The following NAALADL2 variants were observed in gnomAD, a reference collection of about 807,000 sequenced individuals.
The protein encoded by NAALADL2 is N-acetylated alpha-linked acidic dipeptidase like 2, also known as inactive N-acetylated-alpha-linked acidic dipeptidase-like protein 2.
Under a neutral mutation model 87.2 loss-of-function variants are expected in NAALADL2, and 76 were observed. The ratio of observed to expected loss-of-function variants is 0.87; its 90% CI spans 0.72 to 1.05. NAALADL2 has a LOEUF of 1.05. Ranked by LOEUF, NAALADL2 falls within the 50% of genes least tolerant of loss-of-function variation. The probability of loss-of-function intolerance (pLI) is 0.00; values close to 1 mark genes in which losing one functional copy is unlikely to be tolerated. For missense variants in NAALADL2, 1,089 were observed against 945.8 expected (o/e 1.15, Z -1.99); for synonymous variants, 354 against 331.0 (o/e 1.07, Z -0.75).
chr3:175,473,394 A>T (rs1328820500), intron 9 of NAALADL2, among the ~76,000 whole-genome samples: 11 of 151,098 alleles, frequency 7.3e-5, no homozygotes, highest in Non-Finnish European at 1.2e-4. Flanking sequence ...TATAGAAAAT[A>T]TTTTTTTTCT....
intron 1 of NAALADL2, among the ~76,000 whole-genome samples, chr3:174,932,634 T>A (rs1390648095): frequency 6.6e-6 from 1 of 152,140 alleles, no homozygotes; most frequent in African/African-American, 2.4e-5. Context: ...CCCTGGAGTG[T>A]CTTAGATGCT....
intron 4 of NAALADL2, among the ~76,000 whole-genome samples, chr3:175,284,137 G>A (rs919979860): frequency 2.0e-5 from 3 of 150,734 alleles, no homozygotes; most frequent in African/African-American, 7.3e-5. Flanking sequence ...GGAATGCCCT[G>A]GAAATGGAAA....
intron 11 of NAALADL2, among the ~76,000 whole-genome samples, chr3:175,638,526 C>T (rs1395530955): frequency 3.3e-5 from 5 of 152,144 alleles, no homozygotes; most frequent in Non-Finnish European, 5.9e-5. Flanking sequence ...AAAATATGGT[C>T]ACAGTGCCTA....
At chr3:174,483,617 A>G (rs1309134537) in intron 1 of NAALADL2, among the ~76,000 whole-genome samples, 1 of 152,086 alleles carries the variant, frequency 6.6e-6, no homozygotes, top group African/African-American at 2.4e-5. Flanking sequence ...TAAGGAATAA[A>G]GTATAATCAG....
At chr3:174,827,335 G>A (rs1045683311) in intron 3 of NAALADL2, among the ~76,000 whole-genome samples, 2 of 152,172 alleles carry the variant, frequency 1.3e-5, no homozygotes, top group African/African-American at 2.4e-5. Flanking sequence ...GTCTCAGTGC[G>A]TTAAGGTCTA....
chr3:174,868,298 C>T (rs1727395919), intron 1 of NAALADL2, among the ~76,000 whole-genome samples: 1 of 151,988 alleles, frequency 6.6e-6, no homozygotes, highest in South Asian at 2.1e-4. Flanking sequence ...GGTATGTCTG[C>T]TGCCTTTGAT....
At chr3:175,603,728 A>G (rs1237304788) in intron 10 of NAALADL2, among the ~76,000 whole-genome samples, 1 of 152,150 alleles carries the variant, frequency 6.6e-6, no homozygotes, top group Non-Finnish European at 1.5e-5. Context: ...GTAGATGGAT[A>G]CTGGGTTGTT....
In NAALADL2 at chr3:175,069,613, A is replaced by G. The variant is rs1035557561; in HGVS notation, c.44-27177A>G. On this transcript the variant is annotated intron_variant, in intron 1 of 13. Coordinates refer to ENST00000454872, the MANE Select transcript of NAALADL2 (RefSeq NM_207015.3). ...GTGGAAGTCAGTGTGGCGATTCCTC[A>G]GGGATCTAGAACTAGAAATACCATT... Among the ~76,000 whole-genome samples, 847 of 151,170 alleles carry G rather than the reference A, an allele frequency of 5.6e-3. 16 individuals are homozygous for G. The highest frequency in any genetic ancestry group is 0.01 in the Middle Eastern group (3 of 290).
At chr3:175,283,201 T>C (rs945737865) in intron 4 of NAALADL2, among the ~76,000 whole-genome samples, 2 of 152,108 alleles carry the variant, frequency 1.3e-5, no homozygotes, top group African/African-American at 4.8e-5. Flanking sequence ...GTTTACAATA[T>C]ACTAAAGACT....
intron 3 of NAALADL2, among the ~76,000 whole-genome samples, chr3:174,830,411 T>C (rs890905543): frequency 4.6e-5 from 7 of 152,200 alleles, no homozygotes; most frequent in African/African-American, 1.4e-4. Context: ...TTGTCAAAGA[T>C]CAGATAGTTA....
intron 13 of NAALADL2, among the ~76,000 whole-genome samples, chr3:175,798,014 T>C (rs1381430372): frequency 1.3e-5 from 2 of 152,068 alleles, no homozygotes; most frequent in Non-Finnish European, 2.9e-5. Flanking sequence ...TTAAAAGTAA[T>C]ATAATGCTAT....
At chr3:174,625,089 TTCTC>T (rs1198470778) in intron 2 of NAALADL2, among the ~76,000 whole-genome samples, 1 of 125,908 alleles carries the variant, frequency 7.9e-6, no homozygotes, top group African/African-American at 3.0e-5. Context: ...GACAGGGTCT[TTCTC>T]TGTCACCTGG....
At chr3:174,960,295 T>A (rs761004509) in intron 1 of NAALADL2, among the ~76,000 whole-genome samples, 41 of 152,078 alleles carry the variant, frequency 2.7e-4, no homozygotes, top group Non-Finnish European at 5.3e-4. Flanking sequence ...ATGTCAGAAT[T>A]AGTATAGAAA....
At chr3:174,898,336 G>C (rs2109843027) in intron 1 of NAALADL2, among the ~76,000 whole-genome samples, 1 of 151,562 alleles carries the variant, frequency 6.6e-6, no homozygotes, top group Non-Finnish European at 1.5e-5. Flanking sequence ...GGGAAGGGTA[G>C]AGGGGGGTTA....
At chr3:174,772,036 G>A (rs1172875617) in intron 3 of NAALADL2, among the ~76,000 whole-genome samples, 3 of 152,070 alleles carry the variant, frequency 2.0e-5, no homozygotes, top group African/African-American at 4.8e-5. Flanking sequence ...TTATTGCTTG[G>A]TGTTTTTCTC....
intron 3 of NAALADL2, among the ~76,000 whole-genome samples, chr3:175,237,564 G>A (rs1205829646): frequency 1.3e-5 from 2 of 151,976 alleles, no homozygotes; most frequent in Non-Finnish European, 1.5e-5. Flanking sequence ...CGATATGTTC[G>A]GTAGCTGTCT....
chr3:174,582,495 G>A (rs931508288), intron 2 of NAALADL2, among the ~76,000 whole-genome samples: 1 of 152,062 alleles, frequency 6.6e-6, no homozygotes, highest in East Asian at 1.9e-4. Flanking sequence ...GATTCTTATT[G>A]GATAATATAG....
intron 3 of NAALADL2, among the ~76,000 whole-genome samples, chr3:174,844,184 T>C (rs1203054727): frequency 1.3e-5 from 2 of 152,168 alleles, no homozygotes; most frequent in Non-Finnish European, 2.9e-5. Context: ...ATTTTTAGTT[T>C]ATTTTTGTAT....
At chr3:175,273,254 G>A (rs1282741006) in intron 4 of NAALADL2, among the ~76,000 whole-genome samples, 3 of 151,954 alleles carry the variant, frequency 2.0e-5, no homozygotes, top group African/African-American at 7.3e-5. Flanking sequence ...AGTTGTTTGT[G>A]TATTTATGTT....
Sources: gnomAD v4.1 joint callset for allele counts (sites outside exome capture counted in the v4.1 genomes callset) on GRCh38, gnomAD v4.1.1 for gene constraint, MANE v1.5 for transcripts, NCBI Gene and HGNC (gene_info 2026-07-23, HGNC 2026-07-21) for gene names.